Variants in PTPN4 observed in about 807,000 individuals in gnomAD.
PTPN4 encodes the protein tyrosine-protein phosphatase non-receptor type 4.
A neutral mutation model predicts 135.5 loss-of-function variants in PTPN4; 49 were observed. The ratio of observed to expected loss-of-function variants is 0.36; its 90% CI spans 0.29 to 0.46. The LOEUF (loss-of-function observed/expected upper bound fraction) is 0.46. Among genes scored for constraint, PTPN4 ranks in the 20% least tolerant of loss-of-function variants. The probability of loss-of-function intolerance (pLI) is 1.00; values close to 1 mark genes in which losing one functional copy is unlikely to be tolerated. For synonymous variants in PTPN4, 333 were observed against 369.9 expected (o/e 0.90, Z 1.14); for missense variants, 860 against 1,101.0 (o/e 0.78, Z 3.10).
chr2:119,760,821 T>A (rs895279798), intron 1 of PTPN4, among the ~76,000 whole-genome samples: 4 of 117,992 alleles, frequency 3.4e-5, no homozygotes, highest in Admixed American at 2.4e-4. Context: ...GTTTTAAGCC[T>A]GTTATGATTC....
chr2:119,830,615 C>G (rs570351427), intron 2 of PTPN4, among the ~76,000 whole-genome samples: 1 of 152,214 alleles, frequency 6.6e-6, no homozygotes, highest in African/African-American at 2.4e-5. Flanking sequence ...ATTATAGGCG[C>G]CCGTCACCAC....
At chr2:119,791,931 A>C (rs1574336017) in intron 1 of PTPN4, among the ~76,000 whole-genome samples, 1 of 151,914 alleles carries the variant, frequency 6.6e-6, no homozygotes. Context: ...CTGTATTGGT[A>C]TGCTTGTTAG....
In PTPN4 at chr2:119,760,098, C is replaced by A. The variant is rs935855086; in HGVS notation, c.-304C>A. On this transcript the variant is annotated 5_prime_UTR_variant, in exon 1 of 27. Coordinates refer to ENST00000263708, the MANE Select transcript of PTPN4 (RefSeq NM_002830.4). ...AGGATTGGGGCCAGGCCCCCTCCCC[C>A]ACGCACTTTTGGGGGTGTGGATTAT... 1.0e-5 allele frequency: 4 copies of A among 387,340 alleles called. No homozygotes were observed. Among genetic ancestry groups the A allele is most frequent in the Non-Finnish European group, 1.8e-5 (4 of 219,216 alleles). The allele number at this position is 387,340 out of a possible 1,614,324, so 24.0% of individuals were successfully genotyped here.
At chr2:119,781,473 A>G (rs1334411790) in intron 1 of PTPN4, among the ~76,000 whole-genome samples, 2 of 152,160 alleles carry the variant, frequency 1.3e-5, no homozygotes, top group Admixed American at 6.5e-5. Flanking sequence ...CCTATAATAG[A>G]CACAAAATAG....
chr2:119,860,902 G>C (rs574493287), intron 2 of PTPN4, among the ~76,000 whole-genome samples: 1 of 152,020 alleles, frequency 6.6e-6, no homozygotes, highest in African/African-American at 2.4e-5. Context: ...TTAGCTGGGC[G>C]TGGTGGCATG....
rs139308725 is a variant in PTPN4 at position 119,967,096 on chromosome 2, G to A, written c.2559-741G>A. ...CAAGTCCCTGATAACTACTGCATTC[G>A]TGTTCACAGATTAGAAGTTAAAAAG... On this transcript the variant is annotated intron_variant, in intron 25 of 26. Transcript: ENST00000263708. 9.2e-5 allele frequency among the ~76,000 whole-genome samples: 14 copies of A among 152,302 alleles called. No individual in the cohort carries two copies. The East Asian group carries it at 1.5e-3, about 17-fold the overall frequency.
chr2:119,829,730 A>G (rs1039607182), intron 2 of PTPN4, among the ~76,000 whole-genome samples: 1 of 152,158 alleles, frequency 6.6e-6, no homozygotes, highest in Non-Finnish European at 1.5e-5. Flanking sequence ...GCTGACAGGC[A>G]CTTGGGTTGT....
At chr2:119,817,252 G>T (rs576184377) in intron 2 of PTPN4, among the ~76,000 whole-genome samples, 3 of 151,270 alleles carry the variant, frequency 2.0e-5, no homozygotes, top group East Asian at 3.9e-4. Context: ...TTAAGGAAGG[G>T]GTCCAGTTTC....
chr2:119,841,698 A>G (rs1272382491), intron 2 of PTPN4, among the ~76,000 whole-genome samples: 1 of 152,220 alleles, frequency 6.6e-6, no homozygotes, highest in Non-Finnish European at 1.5e-5. Context: ...CTACCAGTTT[A>G]TGAATGTATC....
chr2:119,880,041 A>C, intron 5 of PTPN4: 1 of 116,144 alleles, frequency 8.6e-6, no homozygotes, highest in African/African-American at 3.2e-5. Context: ...GGGGGGCGGG[A>C]AAGAATGGAG....
intron 18 of PTPN4, among the ~76,000 whole-genome samples, chr2:119,950,052 C>T (rs1161569375): frequency 1.3e-5 from 2 of 152,024 alleles, no homozygotes; most frequent in African/African-American, 4.8e-5. Flanking sequence ...AAGAGAGTTC[C>T]CTTTAGTGAT....
At chr2:119,903,113 G>T (rs1678431272) in intron 10 of PTPN4, among the ~76,000 whole-genome samples, 1 of 152,078 alleles carries the variant, frequency 6.6e-6, no homozygotes, top group African/African-American at 2.4e-5. Flanking sequence ...CCTTCACCCT[G>T]GGGAATGGGC....
intron 1 of PTPN4, among the ~76,000 whole-genome samples, chr2:119,798,004 G>T (rs1022250264): frequency 6.6e-6 from 1 of 151,766 alleles, no homozygotes; most frequent in Non-Finnish European, 1.5e-5. Flanking sequence ...ATTTATCTTG[G>T]TTTTCAAACT....
rs1574395632 is a variant in PTPN4 at position 119,901,530 on chromosome 2, T to C, written c.764+724T>C. On this transcript the variant is annotated intron_variant, in intron 10 of 26. Coordinates refer to ENST00000263708, the MANE Select transcript of PTPN4 (RefSeq NM_002830.4). ...TACATAAAACTTCACACCAAAGGCA[T>C]ATTTATTTCTTTCTTTTACCCAGTA... Among the ~76,000 whole-genome samples, 6 of 152,214 alleles carry C rather than the reference T, an allele frequency of 3.9e-5. No homozygotes were observed. The South Asian group carries it at 1.2e-3, about 32-fold the overall frequency.
chr2:119,932,238 T>C (rs1428347609), intron 13 of PTPN4, 186 bp from the exon 14 acceptor site: 17 of 453,578 alleles, frequency 3.7e-5, no homozygotes, highest in South Asian at 1.6e-4. Context: ...ATTCTTCATA[T>C]AAAGCCAATG....
chr2:119,800,841 T>G (rs1328759102), intron 1 of PTPN4, among the ~76,000 whole-genome samples: 1 of 152,156 alleles, frequency 6.6e-6, no homozygotes, highest in Non-Finnish European at 1.5e-5. Context: ...TGTTGAATTG[T>G]TTTTGTACCT....
chr2:119,793,821 AGTTT>A (rs943253467), intron 1 of PTPN4, among the ~76,000 whole-genome samples: 9 of 113,156 alleles, frequency 8.0e-5, no homozygotes, highest in South Asian at 2.9e-4. Context: ...TTGACCATAT[AGTTT>A]GTTTATTTGT....
rs144762229 is a variant in PTPN4 at position 119,955,125 on chromosome 2, G to C, written c.1814-32G>C. ...CGTGTGAATTCATTAAGATTTCCAC[G>C]TTTTGGGGTTTGTTTGATTTTTTTT... On this transcript the variant is annotated intron_variant, in intron 19 of 26. Coordinates refer to ENST00000263708, the MANE Select transcript of PTPN4 (RefSeq NM_002830.4). The C allele has an allele frequency of 9.4e-4, 1,453 of 1,552,660 alleles. 29 individuals are homozygous for C. In the South Asian group the frequency reaches 0.016, roughly 17 times the overall value.
chr2:119,962,069 CT>C (rs1399172039), intron 23 of PTPN4, among the ~76,000 whole-genome samples: 8 of 152,060 alleles, frequency 5.3e-5, no homozygotes, highest in African/African-American at 1.9e-4. Context: ...GTCATTACAG[CT>C]GTTTTAAAAA....
Sources: allele counts gnomAD v4.1 joint callset (sites outside exome capture counted in the v4.1 genomes callset), GRCh38; gene constraint gnomAD v4.1.1; transcripts MANE v1.5; gene names NCBI Gene and HGNC (gene_info 2026-07-23, HGNC 2026-07-21).